The following GSE1 variants were observed in gnomAD, a reference collection of about 807,000 sequenced individuals.
GSE1 encodes the protein Gse1 coiled-coil protein, also known as genetic suppressor element 1.
A neutral mutation model predicts 112.6 loss-of-function variants in GSE1; 32 were observed. The ratio of observed to expected loss-of-function variants is 0.28; its 90% CI spans 0.21 to 0.38. GSE1 has a LOEUF of 0.38. GSE1 is among the 10% of genes least tolerant of loss of function. The pLI is 1.00. For missense variants in GSE1, 2,348 were observed against 1,699.2 expected (o/e 1.38, Z -6.71); for synonymous variants, 1,115 against 735.6 (o/e 1.52, Z -8.35).
intron 2 of GSE1, among the ~76,000 whole-genome samples, chr16:85,520,342 A>G (rs139767862): frequency 0.03 from 4,572 of 152,208 alleles, 109 homozygotes; most frequent in South Asian, 0.1. Flanking sequence ...CAGGAATTGG[A>G]GGCGGGGACA....
intron 2 of GSE1, among the ~76,000 whole-genome samples, chr16:85,533,494 T>A (rs376623750): frequency 2.6e-5 from 4 of 152,138 alleles, no homozygotes; most frequent in Non-Finnish European, 5.9e-5. Context: ...CTTTAACATG[T>A]AGTACCTAAA....
At chr16:85,483,492 G>A (rs983007218) in intron 2 of GSE1, among the ~76,000 whole-genome samples, 6 of 152,230 alleles carry the variant, frequency 3.9e-5, no homozygotes, top group Non-Finnish European at 7.3e-5. Flanking sequence ...GTGGCCCAGC[G>A]CAGCCCAGCA....
chr16:85,265,278 A>ACTGC (rs1908120169), intron 1 of GSE1, among the ~76,000 whole-genome samples: 2 of 152,266 alleles, frequency 1.3e-5, no homozygotes, highest in Middle Eastern at 3.4e-3. Context: ...ACCAATCCTG[A>ACTGC]CTGCCTGCCT....
At chr16:85,207,134 C>G (rs2075132320) in intron 1 of GSE1, among the ~76,000 whole-genome samples, 1 of 152,306 alleles carries the variant, frequency 6.6e-6, no homozygotes, top group Middle Eastern at 3.4e-3. Flanking sequence ...CCTGCCTTCT[C>G]CCCACCTAGC....
intron 1 of GSE1, among the ~76,000 whole-genome samples, chr16:85,613,889 G>C (rs1201753458): frequency 6.7e-6 from 1 of 148,910 alleles, no homozygotes; most frequent in African/African-American, 2.5e-5. Context: ...TACTGGGGCC[G>C]CGCCGGTTAG....
At chr16:85,340,634 C>G (rs35206623) in intron 1 of GSE1, among the ~76,000 whole-genome samples, 95 of 152,344 alleles carry the variant, frequency 6.2e-4, no homozygotes, top group South Asian at 3.7e-3. Context: ...GAGCAAGACC[C>G]TGTCCCAAAA....
intron 1 of GSE1, among the ~76,000 whole-genome samples, chr16:85,295,515 T>C (rs542031194): frequency 6.6e-6 from 1 of 152,358 alleles, no homozygotes; most frequent in East Asian, 1.9e-4. Flanking sequence ...GTCACGTCCA[T>C]GCAGAAGGTC....
At chr16:85,609,916 C>G (rs185732367), upstream of GSE1, among the ~76,000 whole-genome samples, 58 of 152,296 alleles carry the variant, frequency 3.8e-4, no homozygotes, top group East Asian at 9.3e-3. Context: ...CTTGGCCCCC[C>G]CAAAGTGCTG....
chr16:85,262,402 G>C (rs575724520), intron 1 of GSE1, among the ~76,000 whole-genome samples: 1 of 152,182 alleles, frequency 6.6e-6, no homozygotes, highest in African/African-American at 2.4e-5. Flanking sequence ...GCTTTTGACA[G>C]CTAATTAGCT....
intron 2 of GSE1, among the ~76,000 whole-genome samples, chr16:85,506,163 C>G (rs939519208): frequency 6.6e-6 from 1 of 152,146 alleles, no homozygotes; most frequent in African/African-American, 2.4e-5. Context: ...CTCTGGCCAG[C>G]GGAACTTCCT....
At chr16:85,620,763 G>T (rs1182224071) in intron 1 of GSE1, among the ~76,000 whole-genome samples, 1 of 152,218 alleles carries the variant, frequency 6.6e-6, no homozygotes, top group Non-Finnish European at 1.5e-5. Context: ...TCTCAGCCCT[G>T]GGTCTCTGCT....
intron 1 of GSE1, among the ~76,000 whole-genome samples, chr16:85,325,830 C>G (rs954685640): frequency 2.6e-5 from 4 of 151,268 alleles, no homozygotes; most frequent in Admixed American, 2.6e-4. Flanking sequence ...GATCTCAGCT[C>G]ACTGCAACCT....
intron 2 of GSE1, among the ~76,000 whole-genome samples, chr16:85,472,063 GTAATACTGGTTGTCCC>G (rs2050312108): frequency 6.6e-6 from 1 of 152,218 alleles, no homozygotes; most frequent in African/African-American, 2.4e-5. Context: ...CGAGATACCA[GTAATACTGGTTGTCCC>G]AGTGTGACAA....
At chr16:85,252,537 C>G (rs1301858975) in intron 1 of GSE1, among the ~76,000 whole-genome samples, 2 of 152,244 alleles carry the variant, frequency 1.3e-5, no homozygotes, top group African/African-American at 4.8e-5. Flanking sequence ...TCTGGGGAAC[C>G]CAGTTTGAGA....
intron 1 of GSE1, among the ~76,000 whole-genome samples, chr16:85,315,696 A>G (rs568790011): frequency 1.3e-5 from 2 of 152,344 alleles, no homozygotes; most frequent in African/African-American, 4.8e-5. Context: ...CAGATAAACA[A>G]CGAACACGCT....
intron 2 of GSE1, among the ~76,000 whole-genome samples, chr16:85,448,564 C>T (rs1247642496): frequency 1.4e-4 from 22 of 152,198 alleles, no homozygotes; most frequent in Admixed American, 1.4e-3. Flanking sequence ...TGTGCTCTCA[C>T]CTTCTGGTCC....
chr16:85,201,781 T>TGA (rs2075033846), intron 1 of GSE1, among the ~76,000 whole-genome samples: 1 of 152,214 alleles, frequency 6.6e-6, no homozygotes, highest in Non-Finnish European at 1.5e-5. Flanking sequence ...GTTGGAGATG[T>TGA]GAGACAAAGC....
At chr16:85,426,060 T>TGGATGGATGGAA (rs1555510022) in intron 2 of GSE1, among the ~76,000 whole-genome samples, 1,848 of 137,832 alleles carry the variant, frequency 0.013, 46 homozygotes, top group African/African-American at 0.045. Context: ...GATGGATGGA[T>TGGATGGATGGAA]GGATGGATGG....
chr16:85,404,480 C>T (rs371916173), intron 2 of GSE1, among the ~76,000 whole-genome samples: 160 of 15,136 alleles, frequency 0.011, no homozygotes, highest in South Asian at 0.052. Flanking sequence ...TAATCCTCAC[C>T]GTTACACTCA....
Sources: allele counts gnomAD v4.1 joint callset (sites outside exome capture counted in the v4.1 genomes callset), GRCh38; gene constraint gnomAD v4.1.1; transcripts MANE v1.5; gene names NCBI Gene and HGNC (gene_info 2026-07-23, HGNC 2026-07-21).